The following ASIC4 variants were observed in gnomAD, a reference collection of about 807,000 sequenced individuals.
The protein encoded by ASIC4 is acid sensing ion channel subunit family member 4.
In ASIC4, 28 loss-of-function variants were observed where a neutral mutation model predicts 53.4. The observed-to-expected ratio is 0.52, with a 90% CI of 0.39 to 0.72. ASIC4 has a LOEUF of 0.72. Among genes scored for constraint, ASIC4 ranks in the 30% least tolerant of loss-of-function variants. The pLI, the probability that ASIC4 is intolerant of heterozygous loss-of-function variation, is 0.00. For missense variants in ASIC4, 649 were observed against 729.7 expected (o/e 0.89, Z 1.27); for synonymous variants, 289 against 301.4 (o/e 0.96, Z 0.43).
rs1574486786 is a variant in ASIC4, at chr2:219,516,445, C to A, written c.582+1139C>A. Reference sequence around the variant, plus strand: ...CAGGTATGTGAGGGGGTGGGCGTGTCTTGTACACTGCCTGTCTGTCAGGGC... The same window carrying A: ...CAGGTATGTGAGGGGGTGGGCGTGTATTGTACACTGCCTGTCTGTCAGGGC... On this transcript the variant is annotated intron_variant, in intron 1 of 9. Coordinates refer to ENST00000358078, the MANE Select transcript of ASIC4 (RefSeq NM_018674.6). This position sits in a 1 kb window ranked among gnomAD's most constrained non-coding sequence, Gnocchi z 4.9. Among the ~76,000 whole-genome samples the A allele has an allele frequency of 6.6e-6, 1 of 151,968 alleles. No individual in the cohort carries two copies. Among genetic ancestry groups the A allele is most frequent in the East Asian group, 1.9e-4 (1 of 5,180 alleles).
chr2:219,521,772 C>T lies in ASIC4; in HGVS notation c.582+6466C>T, dbSNP rs143661273. ...GAGTTATAAGTATTCCTTGCCCTTC[C>T]AGGCTGGCCCTGCAGCCCACCTCCT... On this transcript the variant is annotated intron_variant, in intron 1 of 9. Coordinates refer to ENST00000358078, the MANE Select transcript of ASIC4 (RefSeq NM_018674.6). 2.0e-3 allele frequency among the ~76,000 whole-genome samples: 311 copies of T among 152,246 alleles called. 2 individuals carry two copies. Among genetic ancestry groups the T allele is most frequent in the African/African-American group, 7.0e-3 (290 of 41,494 alleles).
intron 1 of ASIC4, among the ~76,000 whole-genome samples, chr2:219,524,749 A>G (rs1454738885): frequency 6.6e-6 from 1 of 152,238 alleles, no homozygotes; most frequent in Non-Finnish European, 1.5e-5. Flanking sequence ...TAGGAGAGCC[A>G]TATCTCAGAG....
rs1024301100 is a variant in ASIC4 at position 219,537,520 on chromosome 2, T to C, written c.1402-112T>C. The C allele has an allele frequency of 1.9e-6, 2 of 1,077,100 alleles. No homozygotes were observed. Among genetic ancestry groups the C allele is most frequent in the South Asian group, 3.0e-5 (2 of 65,704 alleles). The allele number at this position is 1,077,100 out of a possible 1,614,324, so 66.7% of individuals were successfully genotyped here. On this transcript the variant is annotated intron_variant, in intron 8 of 9. Transcript: ENST00000358078. The surrounding 1 kb of genome is among the most constrained non-coding windows in gnomAD (Gnocchi z 4.9). Reference sequence around the variant, plus strand: ...GGTGAGGAGGAGGAGGGTGTCCTACTGGGAGTTTGCTGTGGCAGTAAGTCC... The same window carrying C: ...GGTGAGGAGGAGGAGGGTGTCCTACCGGGAGTTTGCTGTGGCAGTAAGTCC...
At position 219,538,008 on chromosome 2, in the gene ASIC4, G is replaced by C. The variant is rs1470396502; in HGVS notation, c.1582G>C (p.Gly528Arg). Residue 528 changes from glycine to arginine, a missense_variant, in exon 10 of 10, where the codon GGT becomes CGT. Physicochemically the swap from Gly to Arg is moderately radical, Grantham distance 125. Transcript: ENST00000358078. Reference sequence around the variant, plus strand: ...GCTCCCCAATCACCACCACCCCCACGGTCCCCCAGGAGGTCTCTTTGAAGA... The same window carrying C: ...GCTCCCCAATCACCACCACCCCCACCGTCCCCCAGGAGGTCTCTTTGAAGA... ...SLLPNHHHPH[G>R]PPGGLFEDFA... 1.2e-6 allele frequency: 2 copies of C among 1,613,200 alleles called. No homozygotes were observed. Among genetic ancestry groups the C allele is most frequent in the Admixed American group, 1.7e-5 (1 of 59,914 alleles).
At chr2:219,535,374 G>C (rs919944218) in intron 6 of ASIC4, 50 bp downstream of exon 6, 2 of 1,515,952 alleles carry the variant, frequency 1.3e-6, no homozygotes, top group African/African-American at 1.4e-5. Flanking sequence ...GTGTGTACGT[G>C]TGTGTGGGGG....
intron 1 of ASIC4, among the ~76,000 whole-genome samples, chr2:219,520,103 C>T (rs1694862109): frequency 3.3e-5 from 5 of 152,084 alleles, no homozygotes. Context: ...GGGCCAGGAG[C>T]CTGGGGCCCT....
intron 1 of ASIC4, among the ~76,000 whole-genome samples, chr2:219,522,389 G>A (rs1406610986): frequency 6.6e-6 from 1 of 151,398 alleles, no homozygotes; most frequent in Non-Finnish European, 1.5e-5. Flanking sequence ...GGCCCGGAGG[G>A]TGGGGTGGGG....
chr2:219,507,999 C>A, the ASIC4 span, among the ~76,000 whole-genome samples: 1 of 152,076 alleles, frequency 6.6e-6, no homozygotes, highest in African/African-American at 2.4e-5. Context: ...CCCCTCAGGT[C>A]CCGTGGGCTG....
intron 1 of ASIC4, among the ~76,000 whole-genome samples, chr2:219,520,641 C>T (rs1050336921): frequency 6.6e-6 from 1 of 152,206 alleles, no homozygotes; most frequent in Non-Finnish European, 1.5e-5. Context: ...GGGTTCAAGC[C>T]TCTTATCTAC....
upstream of ASIC4, among the ~76,000 whole-genome samples, chr2:219,510,333 C>G (rs1209766881): frequency 1.3e-5 from 2 of 152,138 alleles, no homozygotes; most frequent in Non-Finnish European, 2.9e-5. The surrounding 1 kb of genome is among the most constrained non-coding windows in gnomAD (Gnocchi z 5.2). Context: ...GCTCTCTCCG[C>G]TCTCTGACCA....
At chr2:219,526,527 G>A (rs1694964417) in intron 1 of ASIC4, among the ~76,000 whole-genome samples, 1 of 152,172 alleles carries the variant, frequency 6.6e-6, no homozygotes, top group South Asian at 2.1e-4. Flanking sequence ...GGATGGACAG[G>A]TCAACAGAGG....
intron 1 of ASIC4, among the ~76,000 whole-genome samples, chr2:219,528,680 C>T (rs946813953): frequency 1.3e-5 from 2 of 152,144 alleles, no homozygotes; most frequent in Non-Finnish European, 2.9e-5. Context: ...GCTGGGATTA[C>T]AGGTGCCCAC....
rs749248757 is a variant in ASIC4, at chr2:219,532,447, C to T, written c.988C>T (p.Arg330Cys). The T allele has an allele frequency of 1.2e-5, 19 of 1,613,488 alleles. No homozygotes were observed. The highest frequency in any genetic ancestry group is 1.6e-5 in the Non-Finnish European group (19 of 1,179,750). The change falls in exon 4 of 10, where the codon CGC becomes TGC. Residue 330 changes from arginine (R) to cysteine (C), a missense_variant. By Grantham distance (180) the Arg-to-Cys change is radical. Coordinates refer to ENST00000358078, the MANE Select transcript of ASIC4 (RefSeq NM_018674.6). Reference sequence around the variant, plus strand: ...CTGTGAAAAGGAGGCCGTGCTTCAGCGCTGCCACTGCCGGATGGTGCACAT... The same window carrying T: ...CTGTGAAAAGGAGGCCGTGCTTCAGTGCTGCCACTGCCGGATGGTGCACAT... ...LRCEKEAVLQ[R>C]CHCRMVHMPG...
chr2:219,534,450 G>A (rs1009052538), intron 5 of ASIC4, among the ~76,000 whole-genome samples: 4 of 152,246 alleles, frequency 2.6e-5, no homozygotes, highest in Non-Finnish European at 5.9e-5. Flanking sequence ...CAGCAGCATG[G>A]CTGGAGGAGC....
chr2:219,513,500 C>G (rs146488335), upstream of ASIC4, among the ~76,000 whole-genome samples: 1 of 152,150 alleles, frequency 6.6e-6, no homozygotes, highest in Admixed American at 6.5e-5. Context: ...TTTAGGAGAG[C>G]ATTCGCTCCC....
chr2:219,530,380 G>A (rs1695023647), intron 1 of ASIC4, among the ~76,000 whole-genome samples: 1 of 151,870 alleles, frequency 6.6e-6, no homozygotes, highest in Non-Finnish European at 1.5e-5. Context: ...ACTCTCCGCA[G>A]AGGAAAAGGG....
chr2:219,533,585 G>C, intron 5 of ASIC4: 1 of 157,758 alleles, frequency 6.3e-6, no homozygotes, highest in Admixed American at 6.0e-5. Context: ...CCTAGAGGAA[G>C]GGACACATTA....
the ASIC4 span, among the ~76,000 whole-genome samples, chr2:219,507,409 C>T: frequency 1.3e-5 from 2 of 152,248 alleles, no homozygotes; most frequent in African/African-American, 2.4e-5. Context: ...TTCCGCTTTG[C>T]CAGCTCCATC....
intron 6 of ASIC4, among the ~76,000 whole-genome samples, 155 bp downstream of exon 6, chr2:219,535,479 T>C (rs1204775141): frequency 6.6e-6 from 1 of 150,390 alleles, no homozygotes; most frequent in Non-Finnish European, 1.5e-5. Flanking sequence ...GTGGGGTGTA[T>C]GTGGGTGTGT....
Sources: allele counts gnomAD v4.1 joint callset (sites outside exome capture counted in the v4.1 genomes callset), GRCh38; gene constraint gnomAD v4.1.1; non-coding constraint Gnocchi (gnomAD v3.1); transcripts MANE v1.5; gene names NCBI Gene and HGNC (gene_info 2026-07-23, HGNC 2026-07-21).